Variants in NCKAP5 observed in about 807,000 individuals in gnomAD.
NCKAP5 encodes the protein NCK associated protein 5.
In NCKAP5, 92 loss-of-function variants were observed where a neutral mutation model predicts 167.0. The observed-to-expected ratio is 0.55, with a 90% CI of 0.47 to 0.66. The LOEUF is 0.66. Ranked by LOEUF, NCKAP5 falls within the 30% of genes least tolerant of loss-of-function variation. NCKAP5 has a pLI of 0.00. For synonymous variants in NCKAP5, 891 were observed against 877.4 expected, an observed-to-expected ratio of 1.02 and a Z score of -0.27; for missense variants, 2,378 against 2,315.0, an observed-to-expected ratio of 1.03 and a Z score of -0.56.
the NCKAP5 span, among the ~76,000 whole-genome samples, chr2:133,641,605 G>C: frequency 6.6e-6 from 1 of 152,238 alleles, no homozygotes; most frequent in Non-Finnish European, 1.5e-5. Flanking sequence ...GCTGATGAAG[G>C]CAAGCACGTG....
intron 8 of NCKAP5, among the ~76,000 whole-genome samples, chr2:132,916,893 C>T (rs1342898125): frequency 6.6e-6 from 1 of 152,142 alleles, no homozygotes; most frequent in African/African-American, 2.4e-5. Context: ...ATGTGGCTGC[C>T]TTCCTGGGTA....
intron 3 of NCKAP5, among the ~76,000 whole-genome samples, chr2:133,498,496 C>CAGGA (rs1559529102): frequency 1.6e-4 from 20 of 126,948 alleles, no homozygotes; most frequent in Non-Finnish European, 3.3e-5. Context: ...GGCAGGCAGG[C>CAGGA]AGGCAGGCAG....
At chr2:133,538,184 T>C (rs761740746) in intron 2 of NCKAP5, among the ~76,000 whole-genome samples, 15 of 152,322 alleles carry the variant, frequency 9.8e-5, no homozygotes, top group African/African-American at 3.1e-4. Flanking sequence ...TACTCTACTA[T>C]TGCCTTTTAA....
chr2:132,956,283 A>G (rs1343986672), intron 8 of NCKAP5, among the ~76,000 whole-genome samples: 3 of 152,174 alleles, frequency 2.0e-5, no homozygotes, highest in African/African-American at 7.2e-5. Context: ...AACTGGACCT[A>G]AGTTGTTTTG....
intron 16 of NCKAP5, among the ~76,000 whole-genome samples, chr2:132,751,886 C>G (rs564172717): frequency 6.6e-6 from 1 of 152,334 alleles, no homozygotes; most frequent in Admixed American, 6.5e-5. Context: ...GCAAATTCAG[C>G]ACAGCAGCCT....
chr2:133,131,478 T>C (rs1178303182), intron 5 of NCKAP5, among the ~76,000 whole-genome samples: 1 of 152,234 alleles, frequency 6.6e-6, no homozygotes, highest in Non-Finnish European at 1.5e-5. Context: ...GGATAAATAT[T>C]TGTTCAAGAT....
chr2:133,436,791 G>A (rs564600171), intron 3 of NCKAP5, among the ~76,000 whole-genome samples: 2 of 152,216 alleles, frequency 1.3e-5, no homozygotes, highest in African/African-American at 4.8e-5. Context: ...GATACATCAC[G>A]TGTATGTTAA....
chr2:133,360,859 TC>T (rs369858285), intron 3 of NCKAP5, among the ~76,000 whole-genome samples: 1 of 150,890 alleles, frequency 6.6e-6, no homozygotes, highest in South Asian at 2.1e-4. Flanking sequence ...GAGTAGAAGA[TC>T]ATGGCTAATC....
At chr2:133,555,904 T>C (rs1281076687) in intron 2 of NCKAP5, among the ~76,000 whole-genome samples, 1 of 152,250 alleles carries the variant, frequency 6.6e-6, no homozygotes, top group Admixed American at 6.5e-5. Flanking sequence ...GAAGACTATA[T>C]GGTGGCAGAG....
In NCKAP5 at chr2:132,771,983, A is replaced by C. The variant is rs1483092188; in HGVS notation, c.5128+1833T>G. Among the ~76,000 whole-genome samples the C allele has an allele frequency of 3.3e-5, 5 of 151,232 alleles. 1 individual carries two copies. The highest frequency in any genetic ancestry group is 7.4e-5 in the Non-Finnish European group (5 of 67,908). ...TGGGATTACAGGTGTGAGCCACTGC[A>C]CCAGGCCGATACTCGTATTTTTTTT... is the stretch of plus-strand genomic sequence containing the variant. On this transcript the variant is annotated intron_variant, in intron 16 of 19. Coordinates refer to ENST00000409261, the MANE Select transcript of NCKAP5 (RefSeq NM_207363.3).
chr2:133,615,334 A>G, the NCKAP5 span, among the ~76,000 whole-genome samples: 1 of 151,544 alleles, frequency 6.6e-6, no homozygotes, highest in Non-Finnish European at 1.5e-5. Context: ...TAAATGCTCC[A>G]ATTAAAAGAC....
At chr2:133,020,825 G>C (rs2078500859) in intron 6 of NCKAP5, among the ~76,000 whole-genome samples, 1 of 152,174 alleles carries the variant, frequency 6.6e-6, no homozygotes, top group South Asian at 2.1e-4. Flanking sequence ...AAGTGGGATT[G>C]TGAAAGGTGG....
intron 3 of NCKAP5, among the ~76,000 whole-genome samples, chr2:133,458,625 G>A (rs1305443919): frequency 1.3e-5 from 2 of 152,108 alleles, no homozygotes; most frequent in Non-Finnish European, 2.9e-5. Flanking sequence ...TACCACAAGG[G>A]AAAAGTAAGC....
intron 4 of NCKAP5, among the ~76,000 whole-genome samples, chr2:133,274,988 G>C (rs2089668296): frequency 6.6e-6 from 1 of 150,842 alleles, no homozygotes; most frequent in African/African-American, 2.4e-5. Context: ...AAAATGAAAA[G>C]TCAAGGCATA....
At chr2:132,775,498 G>A (rs893796209) in intron 15 of NCKAP5, among the ~76,000 whole-genome samples, 1 of 152,208 alleles carries the variant, frequency 6.6e-6, no homozygotes, top group African/African-American at 2.4e-5. Flanking sequence ...TGTCTAATCT[G>A]TGGGCATTTC....
intron 6 of NCKAP5, among the ~76,000 whole-genome samples, chr2:133,006,721 T>C (rs972328021): frequency 6.6e-6 from 1 of 152,174 alleles, no homozygotes; most frequent in Admixed American, 6.5e-5. Context: ...GCACAGTAAG[T>C]AGCCGGTGTT....
At chr2:133,096,588 A>G (rs1361165048) in intron 6 of NCKAP5, among the ~76,000 whole-genome samples, 2 of 152,194 alleles carry the variant, frequency 1.3e-5, no homozygotes, top group Non-Finnish European at 2.9e-5. Context: ...TTTTTATTTG[A>G]CCTTTAAATA....
the NCKAP5 span, among the ~76,000 whole-genome samples, chr2:133,595,069 A>C: frequency 6.6e-6 from 1 of 152,200 alleles, no homozygotes; most frequent in Admixed American, 6.5e-5. Flanking sequence ...ACTTAACACA[A>C]CTTTCTACTG....
At chr2:133,203,153 A>T (rs1427441914) in intron 5 of NCKAP5, among the ~76,000 whole-genome samples, 1 of 152,202 alleles carries the variant, frequency 6.6e-6, no homozygotes, top group Admixed American at 6.5e-5. Context: ...ATGTCCATGA[A>T]TGATAGACTG....
Sources: gnomAD v4.1 joint callset for allele counts (sites outside exome capture counted in the v4.1 genomes callset) on GRCh38, gnomAD v4.1.1 for gene constraint, MANE v1.5 for transcripts, NCBI Gene and HGNC (gene_info 2026-07-23, HGNC 2026-07-21) for gene names.